Variants in LDLRAD4 observed in about 807,000 individuals in gnomAD.
LDLRAD4 encodes low-density lipoprotein receptor class A domain-containing protein 4.
LDLRAD4 carries 5 observed loss-of-function variants against 17.0 expected under a neutral mutation model. That is an observed-to-expected ratio of 0.29 (90% CI 0.15 to 0.62). LDLRAD4 has a LOEUF of 0.62. Among genes scored for constraint, LDLRAD4 ranks in the 20% least tolerant of loss-of-function variants. The probability of loss-of-function intolerance (pLI) is 0.84; values close to 1 mark genes in which losing one functional copy is unlikely to be tolerated. For synonymous variants in LDLRAD4, 168 were observed against 171.8 expected (o/e 0.98, Z 0.17); for missense variants, 340 against 424.7 (o/e 0.80, Z 1.75).
chr18:13,651,761 T>C (rs1336506351), exon 6 of LDLRAD4: 1 of 152,244 alleles, frequency 6.6e-6, no homozygotes, highest in East Asian at 1.9e-4. Context: ...ACCCATATTA[T>C]CAGCTTATTC....
intron 4 of LDLRAD4, among the ~76,000 whole-genome samples, chr18:13,630,327 G>A (rs1426383151): frequency 2.6e-5 from 4 of 152,148 alleles, no homozygotes; most frequent in African/African-American, 7.2e-5. Flanking sequence ...CAGGGGTACT[G>A]GCCTCACATC....
intron 1 of LDLRAD4, among the ~76,000 whole-genome samples, chr18:13,310,638 A>G (rs755122694): frequency 4.0e-5 from 6 of 151,842 alleles, no homozygotes; most frequent in Non-Finnish European, 7.4e-5. Flanking sequence ...TTCCTCCCTC[A>G]GTCTTGACCT....
chr18:13,610,101 T>C (rs1034384746), intron 3 of LDLRAD4, among the ~76,000 whole-genome samples: 1 of 151,966 alleles, frequency 6.6e-6, no homozygotes, highest in Non-Finnish European at 1.5e-5. Flanking sequence ...GGCCGTTAAA[T>C]GAAAGAAAAA....
At chr18:13,466,605 A>C (rs2092625687) in intron 3 of LDLRAD4, among the ~76,000 whole-genome samples, 1 of 152,252 alleles carries the variant, frequency 6.6e-6, no homozygotes, top group African/African-American at 2.4e-5. Context: ...GATTATAAAA[A>C]CACACAAAAA....
rs2043768719 is a variant in LDLRAD4 at position 13,260,689 on chromosome 18, T to A, written c.-466-17416T>A. Among the ~76,000 whole-genome samples, 4 of 152,354 alleles carry A rather than the reference T, an allele frequency of 2.6e-5. No homozygotes were observed. The East Asian group carries it at 5.8e-4, about 22-fold the overall frequency. On this transcript the variant is annotated intron_variant, in intron 1 of 5. Coordinates refer to the LDLRAD4 transcript ENST00000399848. ...CCCTCTCCCTCCCTCCTTACAGATG[T>A]CTGTCTTTCCAGGACTGTCCTTGTA...
In LDLRAD4 at chr18:13,255,999, G is replaced by C. The variant is rs917857273; in HGVS notation, c.-466-22106G>C. Among the ~76,000 whole-genome samples, 5 of 152,076 alleles carry C rather than the reference G, an allele frequency of 3.3e-5. No individual in the cohort carries two copies. In the South Asian group the frequency reaches 1.0e-3, roughly 32 times the overall value. On this transcript the variant is annotated intron_variant, in intron 1 of 5. Transcript: ENST00000399848. ...ATGATCTTGTTTCTGCCTAACTTTCGTGCTTGCTACCCTCTTAGAAAATGA... is the reference window on the plus strand; with the variant it reads ...ATGATCTTGTTTCTGCCTAACTTTCCTGCTTGCTACCCTCTTAGAAAATGA...
intron 1 of LDLRAD4, among the ~76,000 whole-genome samples, chr18:13,291,850 A>T (rs2045981430): frequency 6.6e-6 from 1 of 152,164 alleles, no homozygotes; most frequent in Non-Finnish European, 1.5e-5. Context: ...GACTGGGTAT[A>T]CCAAGCAGAG....
At chr18:13,631,093 A>G (rs1409101489) in intron 4 of LDLRAD4, among the ~76,000 whole-genome samples, 2 of 152,248 alleles carry the variant, frequency 1.3e-5, no homozygotes, top group African/African-American at 4.8e-5. Context: ...GCAGCAGGCG[A>G]CAGCCCATGG....
chr18:13,219,958 C>T lies in LDLRAD4; in HGVS notation c.-467+970C>T, dbSNP rs78490951. Reference sequence around the variant, plus strand: ...CTCTCCCTTTGTACTCTGCACAATTCTTCTGGAATATAGTCTTTGTGTTCA... The same window carrying T: ...CTCTCCCTTTGTACTCTGCACAATTTTTCTGGAATATAGTCTTTGTGTTCA... On this transcript the variant is annotated intron_variant, in intron 1 of 5. Coordinates refer to the LDLRAD4 transcript ENST00000399848. Among the ~76,000 whole-genome samples, 1,267 of 152,304 alleles carry T rather than the reference C, an allele frequency of 8.3e-3. 17 individuals are homozygous for T. The highest frequency in any genetic ancestry group is 0.029 in the African/African-American group (1,201 of 41,558).
At chr18:13,239,061 C>G (rs1411933795) in intron 1 of LDLRAD4, among the ~76,000 whole-genome samples, 2 of 151,956 alleles carry the variant, frequency 1.3e-5, no homozygotes, top group African/African-American at 4.8e-5. Flanking sequence ...GTGGCGCACA[C>G]CTGTAATCCC....
At chr18:13,222,175 C>G (rs2041491973) in intron 1 of LDLRAD4, among the ~76,000 whole-genome samples, 1 of 152,152 alleles carries the variant, frequency 6.6e-6, no homozygotes, top group African/African-American at 2.4e-5. Context: ...CAACCGTCTC[C>G]TACAACGTCA....
intron 3 of LDLRAD4, among the ~76,000 whole-genome samples, chr18:13,548,386 G>A (rs1409035321): frequency 6.6e-6 from 1 of 152,218 alleles, no homozygotes; most frequent in African/African-American, 2.4e-5. Context: ...GTGCCAAGGG[G>A]TGCCTGCAAG....
chr18:13,366,706 G>T (rs563800664), intron 1 of LDLRAD4, among the ~76,000 whole-genome samples: 168 of 152,170 alleles, frequency 1.1e-3, no homozygotes, highest in Non-Finnish European at 2.1e-3. Flanking sequence ...AGTCATTCGG[G>T]GGTGGAGGGT....
chr18:13,551,962 G>A (rs1347636288), intron 3 of LDLRAD4, among the ~76,000 whole-genome samples: 2 of 152,114 alleles, frequency 1.3e-5, no homozygotes, highest in Non-Finnish European at 2.9e-5. Context: ...GGCAGGATGG[G>A]GAGCAAGAGG....
intron 3 of LDLRAD4, among the ~76,000 whole-genome samples, chr18:13,569,847 C>T (rs746780858): frequency 7.9e-5 from 12 of 152,062 alleles, no homozygotes; most frequent in Admixed American, 2.6e-4. Context: ...ATCGTGCCAC[C>T]GCACTGCAGC....
chr18:13,369,287 G>A (rs566311508), intron 1 of LDLRAD4, among the ~76,000 whole-genome samples: 18 of 152,324 alleles, frequency 1.2e-4, no homozygotes, highest in African/African-American at 2.6e-4. Context: ...GGAATGAAAC[G>A]CATTTTCTGC....
intron 1 of LDLRAD4, among the ~76,000 whole-genome samples, chr18:13,245,292 C>T (rs1350961020): frequency 1.3e-5 from 2 of 152,188 alleles, no homozygotes; most frequent in Non-Finnish European, 1.5e-5. Context: ...AATGGGGAGA[C>T]GAGGTGAGAC....
In LDLRAD4 at chr18:13,641,883, C is replaced by G; in HGVS notation, c.337-1476C>G. 4 of 985,554 alleles carry G rather than the reference C, an allele frequency of 4.1e-6. No homozygotes were observed. The South Asian group carries it at 1.9e-4, about 46-fold the overall frequency. 61.1% of individuals were successfully genotyped at this position (985,554 alleles called of 1,614,324 possible). A position where few individuals can be genotyped will look rare whatever the true frequency, so the allele number is the denominator to read the frequency against. On this transcript the variant is annotated intron_variant, in intron 4 of 5. Transcript: ENST00000359446. ...TACGTTTTCAGGAACCGCTCAGCCC[C>G]TCTGAGTGCCCCGCAGATGGACCTG...
At chr18:13,321,586 C>T (rs1455697679) in intron 1 of LDLRAD4, among the ~76,000 whole-genome samples, 7 of 152,198 alleles carry the variant, frequency 4.6e-5, no homozygotes, top group African/African-American at 1.2e-4. Context: ...ACACACAAGG[C>T]TGGGCGTGGT....
Sources: allele counts gnomAD v4.1 joint callset (sites outside exome capture counted in the v4.1 genomes callset), GRCh38; gene constraint gnomAD v4.1.1; transcripts MANE v1.5; gene names NCBI Gene and HGNC (gene_info 2026-07-23, HGNC 2026-07-21).